The following SFMBT2 variants were observed in gnomAD, a reference collection of about 807,000 sequenced individuals.
The protein encoded by SFMBT2 is Scm like with four mbt domains 2.
In SFMBT2, 38 loss-of-function variants were observed where a neutral mutation model predicts 110.1. The ratio of observed to expected loss-of-function variants is 0.35; its 90% CI spans 0.27 to 0.45. The LOEUF is 0.45. Among genes scored for constraint, SFMBT2 ranks in the 20% least tolerant of loss-of-function variants. SFMBT2 has a pLI of 1.00. For missense variants in SFMBT2, 1,011 were observed against 1,094.9 expected, an observed-to-expected ratio of 0.92 and a Z score of 1.08; for synonymous variants, 425 against 425.4, an observed-to-expected ratio of 1.00 and a Z score of 0.01.
intron 7 of SFMBT2, among the ~76,000 whole-genome samples, chr10:7,255,333 T>C (rs975343983): frequency 2.0e-5 from 3 of 152,240 alleles, no homozygotes; most frequent in Non-Finnish European, 4.4e-5. Context: ...TTTGCAATTA[T>C]TGGATCAAGA....
chr10:7,217,463 T>C (rs559076419), intron 11 of SFMBT2, among the ~76,000 whole-genome samples: 1 of 152,132 alleles, frequency 6.6e-6, no homozygotes. Context: ...CAGGTCTCAT[T>C]TGAAGTGCAT....
intron 4 of SFMBT2, among the ~76,000 whole-genome samples, chr10:7,337,239 G>A (rs948623282): frequency 6.6e-6 from 1 of 152,190 alleles, no homozygotes; most frequent in African/African-American, 2.4e-5. Flanking sequence ...CAAAGCCGCT[G>A]CTATTAGGCC....
chr10:7,223,035 T>C (rs1839795894), intron 10 of SFMBT2, among the ~76,000 whole-genome samples: 1 of 152,132 alleles, frequency 6.6e-6, no homozygotes, highest in Non-Finnish European at 1.5e-5. Flanking sequence ...ATTACTTCTT[T>C]AAAGACCGTA....
intron 7 of SFMBT2, among the ~76,000 whole-genome samples, chr10:7,252,140 C>T (rs1420431620): frequency 6.6e-6 from 1 of 152,210 alleles, no homozygotes; most frequent in Non-Finnish European, 1.5e-5. Context: ...GACTTGGAGT[C>T]TTTAGCCAAA....
At chr10:7,312,526 C>G (rs74116453) in intron 4 of SFMBT2, among the ~76,000 whole-genome samples, 6,730 of 152,216 alleles carry the variant, frequency 0.044, 257 homozygotes, top group African/African-American at 0.11. Context: ...AGAAATTTTG[C>G]CTTAGAACCC....
At chr10:7,175,663 T>C (rs1838031355) in intron 17 of SFMBT2, among the ~76,000 whole-genome samples, 1 of 152,224 alleles carries the variant, frequency 6.6e-6, no homozygotes, top group Admixed American at 6.5e-5. Context: ...TGATCAATTT[T>C]ACTGTGCTCT....
At chr10:7,181,153 C>T (rs989403086) in intron 16 of SFMBT2, among the ~76,000 whole-genome samples, 7 of 151,276 alleles carry the variant, frequency 4.6e-5, no homozygotes, top group African/African-American at 1.2e-4. Context: ...GCAGGAGAAT[C>T]GCTGGAACCC....
intron 20 of SFMBT2, among the ~76,000 whole-genome samples, chr10:7,166,402 G>A (rs552915112): frequency 3.3e-5 from 5 of 152,338 alleles, no homozygotes; most frequent in South Asian, 4.1e-4. Flanking sequence ...GAAAATATTC[G>A]TGTAACTCTT....
chr10:7,396,900 G>T (rs12359975), intron 1 of SFMBT2, among the ~76,000 whole-genome samples: 2 of 139,978 alleles, frequency 1.4e-5, no homozygotes, highest in Non-Finnish European at 3.1e-5. Flanking sequence ...CCTGTCGTGG[G>T]GTGGGGGGAT....
intron 17 of SFMBT2, among the ~76,000 whole-genome samples, chr10:7,173,208 G>T (rs1244364763): frequency 6.6e-6 from 1 of 152,252 alleles, no homozygotes; most frequent in Non-Finnish European, 1.5e-5. Flanking sequence ...TCTGCAGAAG[G>T]TGAAAGAGAC....
In SFMBT2 at chr10:7,284,031, T is replaced by A; in HGVS notation, c.645A>T (p.Arg215Ser). 6.2e-7 allele frequency: 1 copy of A among 1,614,152 alleles called. No individual in the cohort carries two copies. Among genetic ancestry groups the A allele is most frequent in the Admixed American group, 1.7e-5 (1 of 60,020 alleles). Residue 215 changes from arginine to serine, a missense_variant, in exon 6 of 21, where the codon AGA becomes AGT. This residue lies in a region of SFMBT2 where 979 missense variants were observed against 1,016.1 expected (regional missense o/e 0.96). Transcript: ENST00000397167. ...CCAATCCCACATAGCGAAGGCGTAA[T>A]CTTCCTCCAACATTTTCAATCACAC... ...IVSVIENVGG[R>S]LRLRYVGLED...
At chr10:7,243,299 T>C (rs1271641202) in intron 9 of SFMBT2, among the ~76,000 whole-genome samples, 2 of 152,164 alleles carry the variant, frequency 1.3e-5, no homozygotes, top group African/African-American at 4.8e-5. Flanking sequence ...GTCTACACAA[T>C]AGCAGCACAT....
In SFMBT2 at chr10:7,171,682, G is replaced by A; in HGVS notation, c.2415+213C>T. ...TAAAGCCGTCCAGGAAAGAGGCGCT[G>A]TCTCCACCCTGGGCACTCCATTCTG... On this transcript the variant is annotated intron_variant, in intron 19 of 20. Transcript: ENST00000397167. The surrounding 1 kb of genome is among the most constrained non-coding windows in gnomAD (Gnocchi z 4.9). 1.4e-6 allele frequency: 1 copy of A among 725,462 alleles called. No homozygotes were observed. The highest frequency in any genetic ancestry group is 1.7e-6 in the Non-Finnish European group (1 of 592,790). The allele number at this position is 725,462 out of a possible 1,614,324, so 44.9% of individuals were successfully genotyped here. A position where few individuals can be genotyped will look rare whatever the true frequency, so the allele number is the denominator to read the frequency against.
chr10:7,218,916 T>G (rs1436462348), intron 11 of SFMBT2, among the ~76,000 whole-genome samples: 1 of 152,244 alleles, frequency 6.6e-6, no homozygotes, highest in Non-Finnish European at 1.5e-5. Flanking sequence ...CTGCTGTTTC[T>G]GTTAGGTAAT....
Position 7,285,901 on chromosome 10 carries a change from C to A in SFMBT2, c.490G>T (p.Gly164Cys), listed in dbSNP as rs746779462. 3.4e-6 allele frequency: 3 copies of A among 872,604 alleles called. No individual in the cohort carries two copies. Among genetic ancestry groups the A allele is most frequent in the Non-Finnish European group, 6.0e-6 (3 of 501,670 alleles). 54.1% of individuals were successfully genotyped at this position (872,604 alleles called of 1,614,324 possible). A position where few individuals can be genotyped will look rare whatever the true frequency, so the allele number is the denominator to read the frequency against. Residue 164 changes from glycine to cysteine, a missense_variant, in exon 5 of 21, where the codon GGT becomes TGT. This residue lies in a region of SFMBT2 where 979 missense variants were observed against 1,016.1 expected (regional missense o/e 0.96). Transcript: ENST00000397167. ...WTEFLIRDLTGSRTAPANLLE... is the reference protein window; with the variant it reads ...WTEFLIRDLTCSRTAPANLLE... ...AGGTTGGCGGGTGCTGTCCTCGAAC[C>A]AGTCAAGTCACGTATGAGAAATTCT...
chr10:7,368,711 T>C (rs940624348), intron 3 of SFMBT2, among the ~76,000 whole-genome samples: 6 of 152,190 alleles, frequency 3.9e-5, no homozygotes, highest in African/African-American at 1.4e-4. Context: ...GAAGGAAAAA[T>C]TGTGATCAAT....
At chr10:7,321,164 G>A (rs969777870) in intron 4 of SFMBT2, among the ~76,000 whole-genome samples, 1 of 151,500 alleles carries the variant, frequency 6.6e-6, no homozygotes, top group Non-Finnish European at 1.5e-5. Context: ...AAAAGGAGAG[G>A]GTAACCCTAA....
intron 1 of SFMBT2, among the ~76,000 whole-genome samples, chr10:7,405,407 T>C (rs12269429): frequency 0.03 from 4,597 of 152,296 alleles, 239 homozygotes; most frequent in African/African-American, 0.1. Flanking sequence ...AGGCCACATA[T>C]GTATAAGCCT....
At chr10:7,362,191 C>A (rs1207460305) in intron 4 of SFMBT2, among the ~76,000 whole-genome samples, 1 of 152,100 alleles carries the variant, frequency 6.6e-6, no homozygotes, top group Non-Finnish European at 1.5e-5. Context: ...GAAAGATTAG[C>A]CCTGATTAGC....
Sources: gnomAD v4.1 joint callset for allele counts (sites outside exome capture counted in the v4.1 genomes callset) on GRCh38, gnomAD v4.1.1 for gene constraint, gnomAD v4.1.1 regional missense constraint, Gnocchi (gnomAD v3.1) non-coding constraint, MANE v1.5 for transcripts, NCBI Gene and HGNC (gene_info 2026-07-23, HGNC 2026-07-21) for gene names.